The following PRDM16 variants were observed in gnomAD, a reference collection of about 807,000 sequenced individuals.
The protein encoded by PRDM16 is PR/SET domain 16.
A neutral mutation model predicts 110.6 loss-of-function variants in PRDM16; 23 were observed. The observed-to-expected ratio is 0.21, with a 90% CI of 0.15 to 0.29. The LOEUF is 0.29. Ranked by LOEUF, PRDM16 falls within the 10% of genes least tolerant of loss-of-function variation. The pLI, the probability that PRDM16 is intolerant of heterozygous loss-of-function variation, is 1.00. For missense variants in PRDM16, 1,615 were observed against 1,794.3 expected, an observed-to-expected ratio of 0.90 and a Z score of 1.81; for synonymous variants, 799 against 781.8, an observed-to-expected ratio of 1.02 and a Z score of -0.37.
At chr1:3,396,179 C>T (rs960519674) in intron 4 of PRDM16, 1 of 444,326 alleles carries the variant, frequency 2.3e-6, no homozygotes, top group Non-Finnish European at 4.3e-6. Flanking sequence ...CAGGTGGGCT[C>T]TTGGTGGAAG....
chr1:3,176,916 C>T (rs543943988), intron 1 of PRDM16, among the ~76,000 whole-genome samples: 4 of 152,116 alleles, frequency 2.6e-5, no homozygotes, highest in Middle Eastern at 3.4e-3. Context: ...ACCCATCTAT[C>T]CACTCATCCA....
chr1:3,125,222 G>A (rs966316604), intron 1 of PRDM16, among the ~76,000 whole-genome samples: 12 of 152,258 alleles, frequency 7.9e-5, no homozygotes, highest in African/African-American at 2.7e-4. Context: ...CGCGCTTCCC[G>A]CATCCGTGAA....
intron 1 of PRDM16, among the ~76,000 whole-genome samples, chr1:3,181,085 CGG>C (rs1644156274): frequency 2.8e-5 from 4 of 142,440 alleles, no homozygotes; most frequent in East Asian, 3.1e-4. Context: ...GTCTTACACA[CGG>C]CCTTACACAC....
intron 3 of PRDM16, among the ~76,000 whole-genome samples, chr1:3,313,172 C>T (rs145986026): frequency 0.036 from 5,502 of 152,338 alleles, 138 homozygotes; most frequent in Middle Eastern, 0.078. Flanking sequence ...ATGTGGTTTC[C>T]GCCGCCTCAT....
In PRDM16 at chr1:3,381,975, G is replaced by A. The variant is rs565143750; in HGVS notation, c.439-3177G>A. Reference sequence around the variant, plus strand: ...CCCAGACCCGGCCAGTGGTGAGGGAGGGGGGGCCTCGTGGGTCTTGGCCAG... The same window carrying A: ...CCCAGACCCGGCCAGTGGTGAGGGAAGGGGGGCCTCGTGGGTCTTGGCCAG... On this transcript the variant is annotated intron_variant, in intron 3 of 16. Coordinates refer to ENST00000270722, the MANE Select transcript of PRDM16 (RefSeq NM_022114.4). Among the ~76,000 whole-genome samples the A allele has an allele frequency of 6.6e-5, 10 of 152,314 alleles. No homozygotes were observed. The East Asian group carries it at 7.7e-4, about 12-fold the overall frequency.
chr1:3,191,826 G>A lies in PRDM16; in HGVS notation c.387+5352G>A, dbSNP rs540957982. On this transcript the variant is annotated intron_variant, in intron 2 of 16. Coordinates refer to ENST00000270722, the MANE Select transcript of PRDM16 (RefSeq NM_022114.4). ...ACAGTGCTATGGGGCTTCAGTCTCC[G>A]ACATCACAGCACAAATGTCCATGAT... Among the ~76,000 whole-genome samples the A allele has an allele frequency of 1.8e-4, 27 of 152,240 alleles. No individual in the cohort carries two copies. The South Asian group carries it at 4.8e-3, about 27-fold the overall frequency.
chr1:3,424,258 A>G (rs1444037722), intron 12 of PRDM16, among the ~76,000 whole-genome samples: 1 of 152,226 alleles, frequency 6.6e-6, no homozygotes, highest in East Asian at 1.9e-4. Context: ...CATGTCGCTC[A>G]GGCCCCCTAG....
In PRDM16 at chr1:3,179,906, G is replaced by A. The variant is rs144507513; in HGVS notation, c.38-6219G>A. Among the ~76,000 whole-genome samples, 25 of 152,172 alleles carry A rather than the reference G, an allele frequency of 1.6e-4. No homozygotes were observed. The East Asian group carries it at 4.5e-3, about 27-fold the overall frequency. ...TTTCCCGGGTCCCTGTTCCTATCAC[G>A]GTGGACCTTCCCCAGGCTGCCACCG... is the stretch of plus-strand genomic sequence containing the variant. On this transcript the variant is annotated intron_variant, in intron 1 of 16. Coordinates refer to ENST00000270722, the MANE Select transcript of PRDM16 (RefSeq NM_022114.4).
chr1:3,313,184 C>T (rs1000131910), intron 3 of PRDM16, among the ~76,000 whole-genome samples: 1 of 152,244 alleles, frequency 6.6e-6, no homozygotes, highest in Non-Finnish European at 1.5e-5. Context: ...CCGCCTCATC[C>T]ACAGGCCGGC....
At chr1:3,193,363 C>T (rs1014169893) in intron 2 of PRDM16, among the ~76,000 whole-genome samples, 12 of 152,256 alleles carry the variant, frequency 7.9e-5, no homozygotes, top group African/African-American at 2.9e-4. Flanking sequence ...GATCTCCAGG[C>T]TGCCTCATGG....
At chr1:3,377,096 A>G (rs569949319) in intron 3 of PRDM16, among the ~76,000 whole-genome samples, 2 of 152,350 alleles carry the variant, frequency 1.3e-5, no homozygotes, top group African/African-American at 4.8e-5. Context: ...GCATGTGCCT[A>G]TGACAGCCCC....
At chr1:3,356,015 A>G in intron 3 of PRDM16, among the ~76,000 whole-genome samples, 1 of 152,120 alleles carries the variant, frequency 6.6e-6, no homozygotes. Context: ...ACAAGTTGAC[A>G]GAGGGGCCCC....
In PRDM16 at chr1:3,310,937, CGT is replaced by C. The variant is rs200491474; in HGVS notation, c.438+66807_438+66808del. ...GCACGTGTGCATGCATGTGAGTGTGCGTGTGTGTCTGTGAGACGTGTGGGTGT... is the reference window on the plus strand; with the variant it reads ...GCACGTGTGCATGCATGTGAGTGTGCGTGTGTCTGTGAGACGTGTGGGTGT... On this transcript the variant is annotated intron_variant, in intron 3 of 16. Transcript: ENST00000270722. Among the ~76,000 whole-genome samples the C allele has an allele frequency of 6.5e-3, 991 of 151,594 alleles. 18 individuals are homozygous for C. The highest frequency in any genetic ancestry group is 0.023 in the African/African-American group (946 of 41,300).
intron 3 of PRDM16, among the ~76,000 whole-genome samples, chr1:3,286,363 G>A (rs59469915): frequency 0.02 from 3,118 of 152,286 alleles, 122 homozygotes; most frequent in African/African-American, 0.07. Flanking sequence ...CCGAAGGGCC[G>A]CCCCCTGCCT....
intron 1 of PRDM16, among the ~76,000 whole-genome samples, chr1:3,108,312 A>G (rs1642712596): frequency 6.6e-6 from 1 of 152,148 alleles, no homozygotes; most frequent in African/African-American, 2.4e-5. Context: ...CCAATGGTGA[A>G]TTTTTATGTA....
chr1:3,374,378 G>A (rs945253760), intron 3 of PRDM16, among the ~76,000 whole-genome samples: 6 of 152,230 alleles, frequency 3.9e-5, no homozygotes, highest in African/African-American at 7.2e-5. Flanking sequence ...TGGGATCCCC[G>A]TTACAGAAAT....
At chr1:3,086,201 C>T (rs944242401) in intron 1 of PRDM16, among the ~76,000 whole-genome samples, 7 of 152,094 alleles carry the variant, frequency 4.6e-5, no homozygotes, top group Non-Finnish European at 8.8e-5. Flanking sequence ...AGGGTGAGCT[C>T]GTGAGTGCGT....
chr1:3,302,227 G>A (rs367850016), intron 3 of PRDM16, among the ~76,000 whole-genome samples: 8 of 152,126 alleles, frequency 5.3e-5, no homozygotes, highest in African/African-American at 1.4e-4. Context: ...AGGCGTCTCC[G>A]AGATTTCCCG....
At chr1:3,335,764 G>A (rs1380000974) in intron 3 of PRDM16, among the ~76,000 whole-genome samples, 2 of 152,194 alleles carry the variant, frequency 1.3e-5, no homozygotes, top group African/African-American at 2.4e-5. Context: ...CAGGGGCAAG[G>A]AGGACTCAGG....
Sources: allele counts gnomAD v4.1 joint callset (sites outside exome capture counted in the v4.1 genomes callset), GRCh38; gene constraint gnomAD v4.1.1; transcripts MANE v1.5; gene names NCBI Gene and HGNC (gene_info 2026-07-23, HGNC 2026-07-21).